The following C16orf54 variants were observed in gnomAD, a reference collection of about 807,000 sequenced individuals.
The protein encoded by C16orf54 is chromosome 16 open reading frame 54, also known as transmembrane protein C16orf54.
C16orf54 carries 2 observed loss-of-function variants against 3.9 expected under a neutral mutation model. The observed-to-expected ratio is 0.52, with a 90% CI of 0.21 to 1.63. The LOEUF (loss-of-function observed/expected upper bound fraction) is 1.63. Among genes scored for constraint, C16orf54 ranks in the 40% most tolerant of loss-of-function variants. C16orf54 has a pLI of 0.21. For synonymous variants in C16orf54, 128 were observed against 135.1 expected (o/e 0.95, Z 0.37); for missense variants, 272 against 326.3 (o/e 0.83, Z 1.28).
Position 29,744,204 on chromosome 16 carries a change from A to C in C16orf54, c.*73T>G, listed in dbSNP as rs1968104404. The C allele has an allele frequency of 1.5e-6, 2 of 1,341,426 alleles. No homozygotes were observed. Among genetic ancestry groups the C allele is most frequent in the Admixed American group, 4.1e-5 (2 of 49,102 alleles). 83.1% of individuals were successfully genotyped at this position (1,341,426 alleles called of 1,614,324 possible). On this transcript the variant is annotated 3_prime_UTR_variant, in exon 2 of 2. Transcript: ENST00000329410. This position sits in a 1 kb window ranked among gnomAD's most constrained non-coding sequence, Gnocchi z 7.1. ...CTTCGCTGGGGCAGTCTCAATCCTA[A>C]TGCTGGATCCTGGGGTCCCCGGTCC...
chr16:29,742,508 G>A lies in C16orf54; in HGVS notation c.*1769C>T, dbSNP rs1968075316. On this transcript the variant is annotated 3_prime_UTR_variant, in exon 2 of 2. Transcript: ENST00000329410. ...TTTTCATGTTTTACCTTCTATTGAT[G>A]GCAAATGAGACTGGTTTTCCATTTA... 1 of 152,108 alleles carries A rather than the reference G, an allele frequency of 6.6e-6. No individual in the cohort carries two copies. Among genetic ancestry groups the A allele is most frequent in the Non-Finnish European group, 1.5e-5 (1 of 68,018 alleles). The allele number at this position is 152,108 out of a possible 1,614,324, so 9.4% of individuals were successfully genotyped here. A position where few individuals can be genotyped will look rare whatever the true frequency, so the allele number is the denominator to read the frequency against.
Position 29,744,115 on chromosome 16 carries a change from T to C in C16orf54, c.*162A>G, listed in dbSNP as rs1968103208. 1 of 699,510 alleles carries C rather than the reference T, an allele frequency of 1.4e-6. No individual in the cohort carries two copies. Among genetic ancestry groups the C allele is most frequent in the Non-Finnish European group, 2.5e-6 (1 of 405,622 alleles). The allele number at this position is 699,510 out of a possible 1,614,324, so 43.3% of individuals were successfully genotyped here. A position where few individuals can be genotyped will look rare whatever the true frequency, so the allele number is the denominator to read the frequency against. On this transcript the variant is annotated 3_prime_UTR_variant, in exon 2 of 2. Transcript: ENST00000329410. The surrounding 1 kb of genome is among the most constrained non-coding windows in gnomAD (Gnocchi z 7.1). ...ACTGCTGGGCTTCCCCTAGTCCACA[T>C]AGCCTGGCCACCACCCAGACCCGGG...
At position 29,743,940 on chromosome 16, in the gene C16orf54, T is replaced by C. The variant is rs1968101394; in HGVS notation, c.*337A>G. 3 of 362,650 alleles carry C rather than the reference T, an allele frequency of 8.3e-6. No homozygotes were observed. The highest frequency in any genetic ancestry group is 6.5e-5 in the African/African-American group (3 of 46,016). 22.5% of individuals were successfully genotyped at this position (362,650 alleles called of 1,614,324 possible). ...TGGTATTGGTGGCTTCGGTAAACAC[T>C]GAAAGAAGGTGGAGGTGGCTGGTCG... On this transcript the variant is annotated 3_prime_UTR_variant, in exon 2 of 2. Coordinates refer to ENST00000329410, the MANE Select transcript of C16orf54 (RefSeq NM_175900.4).
chr16:29,743,095 A>T lies in C16orf54; in HGVS notation c.*1182T>A, dbSNP rs1050069804. ...GACCGTGTCTCTACAAAAAAAATAC[A>T]AAAATTAGCTGGGCGTGGTGGTATG... On this transcript the variant is annotated 3_prime_UTR_variant, in exon 2 of 2. Coordinates refer to ENST00000329410, the MANE Select transcript of C16orf54 (RefSeq NM_175900.4). The T allele has an allele frequency of 6.6e-6, 1 of 151,810 alleles. No individual in the cohort carries two copies. The highest frequency in any genetic ancestry group is 1.5e-5 in the Non-Finnish European group (1 of 67,994). 9.4% of individuals were successfully genotyped at this position (151,810 alleles called of 1,614,324 possible).
At position 29,744,919 on chromosome 16, in the gene C16orf54, G is replaced by A. The variant is rs766863718; in HGVS notation, c.33C>T (p.Arg11=). 1.3e-5 allele frequency: 19 copies of A among 1,466,728 alleles called. No individual in the cohort carries two copies. Among genetic ancestry groups the A allele is most frequent in the African/African-American group, 4.4e-5 (3 of 68,402 alleles). The allele number at this position is 1,466,728 out of a possible 1,614,324, so 90.9% of individuals were successfully genotyped here. A position where few individuals can be genotyped will look rare whatever the true frequency, so the allele number is the denominator to read the frequency against. ...CTTCCCATGCGGGGGGCCCCTCCAC[G>A]CGCCCAGAGGGCGGCTCTGGAGTCA... MPLTPEPPSG[R]VEGPPAWEAA... Residue 11 remains arginine (R), a synonymous_variant, in exon 2 of 2, where the codon CGC becomes CGT. Transcript: ENST00000329410. The surrounding 1 kb of genome is among the most constrained non-coding windows in gnomAD (Gnocchi z 7.1).
chr16:29,745,294 T>G, intron 1 of C16orf54: 1 of 272,470 alleles, frequency 3.7e-6, no homozygotes, highest in Non-Finnish European at 6.9e-6. Flanking sequence ...ATTGCACCAC[T>G]GTCCTCCAGC....
In C16orf54 at chr16:29,745,707, G is replaced by A. The variant is rs559210156; in HGVS notation, c.-1+204C>T. ...TCCTTCGCCCCTCACCATTCTCCTCGGACTTGATCTTGCTCTCATAGGCTC... is the reference window on the plus strand; with the variant it reads ...TCCTTCGCCCCTCACCATTCTCCTCAGACTTGATCTTGCTCTCATAGGCTC... On this transcript the variant is annotated intron_variant, in intron 1 of 1. Transcript: ENST00000329410. Among the ~76,000 whole-genome samples, 157 of 152,196 alleles carry A rather than the reference G, an allele frequency of 1.0e-3. 1 individual carries two copies. The highest frequency in any genetic ancestry group is 3.4e-3 in the Middle Eastern group (1 of 294).
chr16:29,744,508 C>G lies in C16orf54; in HGVS notation c.444G>C (p.Arg148=). The G allele has an allele frequency of 6.5e-7, 1 of 1,537,378 alleles. No individual in the cohort carries two copies. Among genetic ancestry groups the G allele is most frequent in the Non-Finnish European group, 8.8e-7 (1 of 1,142,166 alleles). Residue 148 remains arginine (R), a synonymous_variant, in exon 2 of 2, where the codon CGG becomes CGC. Coordinates refer to ENST00000329410, the MANE Select transcript of C16orf54 (RefSeq NM_175900.4). This position sits in a 1 kb window ranked among gnomAD's most constrained non-coding sequence, Gnocchi z 7.1. The stretch of plus-strand genomic sequence containing the variant: ...AGGGCTGGGGCCCCCAGAAGGTGCT[C>G]CGGGCTGGGACCTCCAGTACGGTCT... ...GPQTVLEVPA[R]STFWGPQPWE... is the part of the protein sequence containing the mutation.
Position 29,744,654 on chromosome 16 carries a change from C to T in C16orf54, c.298G>A (p.Val100Ile), listed in dbSNP as rs773226713. Residue 100 changes from valine (V) to isoleucine (I), a missense_variant, in exon 2 of 2, where the codon GTC (valine) becomes ATC (isoleucine). Physicochemically the swap from Val to Ile is conservative, Grantham distance 29. Transcript: ENST00000329410. This position sits in a 1 kb window ranked among gnomAD's most constrained non-coding sequence, Gnocchi z 7.1. Reference sequence around the variant, plus strand: ...GGGGCCCGATCTGTCAGCAGGGGGACCGCAGAGCCATACCAGTCCTCAGAG... The same window carrying T: ...GGGGCCCGATCTGTCAGCAGGGGGATCGCAGAGCCATACCAGTCCTCAGAG... ...ERSEDWYGSA[V>I]PLLTDRAPEP... 31 of 1,473,098 alleles carry T rather than the reference C, an allele frequency of 2.1e-5. No homozygotes were observed. The South Asian group carries it at 4.5e-4, about 21-fold the overall frequency. The allele number at this position is 1,473,098 out of a possible 1,614,324, so 91.3% of individuals were successfully genotyped here. A position where few individuals can be genotyped will look rare whatever the true frequency, so the allele number is the denominator to read the frequency against.
rs145619320 is a variant in C16orf54, at chr16:29,744,862, G to C, written c.90C>G (p.Pro30=). Residue 30 remains proline, a synonymous_variant, in exon 2 of 2, where the codon CCC becomes CCG. Coordinates refer to ENST00000329410, the MANE Select transcript of C16orf54 (RefSeq NM_175900.4). The surrounding 1 kb of genome is among the most constrained non-coding windows in gnomAD (Gnocchi z 7.1). The part of the protein sequence containing the change: ...AAPWPSLPCG[P]CIPIMLVLAT... Reference sequence around the variant, plus strand: ...CCAGGACCAGCATGATGGGGATGCAGGGCCCACAGGGCAGTGAGGGCCATG... The same window carrying C: ...CCAGGACCAGCATGATGGGGATGCACGGCCCACAGGGCAGTGAGGGCCATG... 6.8e-7 allele frequency: 1 copy of C among 1,476,488 alleles called. No individual in the cohort carries two copies. The highest frequency in any genetic ancestry group is 1.4e-5 in the African/African-American group (1 of 69,410). 91.5% of individuals were successfully genotyped at this position (1,476,488 alleles called of 1,614,324 possible). A position where few individuals can be genotyped will look rare whatever the true frequency, so the allele number is the denominator to read the frequency against.
rs749333124 is a variant in C16orf54 at position 29,744,288 on chromosome 16, C to A, written c.664G>T (p.Val222Leu). 5 of 1,612,718 alleles carry A rather than the reference C, an allele frequency of 3.1e-6. No individual in the cohort carries two copies. The African/African-American group carries it at 4.0e-5, about 13-fold the overall frequency. Residue 222 changes from valine (V) to leucine (L), a missense_variant, in exon 2 of 2, where the codon GTG (valine) becomes TTG (leucine). By Grantham distance (32) the Val-to-Leu change is conservative. Transcript: ENST00000329410. This position sits in a 1 kb window ranked among gnomAD's most constrained non-coding sequence, Gnocchi z 7.1. ...GGAACCCTGGGGATTCAGAACCCCACACTGGTCCGGCCTTCACGCTTCCAG... is the reference window on the plus strand; with the variant it reads ...GGAACCCTGGGGATTCAGAACCCCAAACTGGTCCGGCCTTCACGCTTCCAG... Reference protein sequence around the residue: ...AFWKREGRTSVGF With the variant: ...AFWKREGRTSLGF
rs1209657803 is a variant in C16orf54 at position 29,744,619 on chromosome 16, G to C, written c.333C>G (p.Pro111=). 6.8e-7 allele frequency: 1 copy of C among 1,465,366 alleles called. No homozygotes were observed. The highest frequency in any genetic ancestry group is 1.5e-5 in the South Asian group (1 of 68,936). The allele number at this position is 1,465,366 out of a possible 1,614,324, so 90.8% of individuals were successfully genotyped here. A position where few individuals can be genotyped will look rare whatever the true frequency, so the allele number is the denominator to read the frequency against. The stretch of plus-strand genomic sequence containing the variant: ...GGGCCTCCAAAGTGCCCACCTGGGT[G>C]GGAGGCTCAGGGGCCCGATCTGTCA... The part of the protein sequence containing the change: ...PLLTDRAPEP[P]TQVGTLEARA... The change falls in exon 2 of 2, where the codon CCC becomes CCG. Residue 111 remains proline, a synonymous_variant. Coordinates refer to ENST00000329410, the MANE Select transcript of C16orf54 (RefSeq NM_175900.4). The surrounding 1 kb of genome is among the most constrained non-coding windows in gnomAD (Gnocchi z 7.1).
chr16:29,745,689 C>A (rs1365176905), intron 1 of C16orf54, among the ~76,000 whole-genome samples: 1 of 152,174 alleles, frequency 6.6e-6, no homozygotes, highest in African/African-American at 2.4e-5. Flanking sequence ...GGCTCCTTCG[C>A]CCCTCACCAT....
In C16orf54 at chr16:29,744,284, C is replaced by T; in HGVS notation, c.668G>A (p.Gly223Glu). The T allele has an allele frequency of 6.2e-7, 1 of 1,612,740 alleles. No individual in the cohort carries two copies. The highest frequency in any genetic ancestry group is 8.5e-7 in the Non-Finnish European group (1 of 1,179,890). ...CTGGGGAACCCTGGGGATTCAGAAC[C>T]CCACACTGGTCCGGCCTTCACGCTT... ...FWKREGRTSV[G>E]F The change falls in exon 2 of 2, where the codon GGG becomes GAG. Residue 223 changes from glycine (G) to glutamate (E), a missense_variant. Coordinates refer to ENST00000329410, the MANE Select transcript of C16orf54 (RefSeq NM_175900.4). The surrounding 1 kb of genome is among the most constrained non-coding windows in gnomAD (Gnocchi z 7.1).
At chr16:29,745,189 G>A in intron 1 of C16orf54, 1 of 408,654 alleles carries the variant, frequency 2.4e-6, no homozygotes, top group Non-Finnish European at 4.3e-6. Flanking sequence ...AAAACTAGCT[G>A]GGTGTGGTGG....
Position 29,744,093 on chromosome 16 carries a change from G to A in C16orf54, c.*184C>T. On this transcript the variant is annotated 3_prime_UTR_variant, in exon 2 of 2. Coordinates refer to ENST00000329410, the MANE Select transcript of C16orf54 (RefSeq NM_175900.4). This position sits in a 1 kb window ranked among gnomAD's most constrained non-coding sequence, Gnocchi z 7.1. ...GCCCAGGTAGCTGAGCAGAGGCACT[G>A]CTGGGCTTCCCCTAGTCCACATAGC... 1 of 639,424 alleles carries A rather than the reference G, an allele frequency of 1.6e-6. No homozygotes were observed. Among genetic ancestry groups the A allele is most frequent in the Non-Finnish European group, 2.8e-6 (1 of 362,958 alleles). 39.6% of individuals were successfully genotyped at this position (639,424 alleles called of 1,614,324 possible).
rs931494384 is a variant in C16orf54, at chr16:29,744,424, T to C, written c.528A>G (p.Pro176=). The change falls in exon 2 of 2, where the codon CCA becomes CCG. Residue 176 remains proline (P), a synonymous_variant. Coordinates refer to ENST00000329410, the MANE Select transcript of C16orf54 (RefSeq NM_175900.4). The surrounding 1 kb of genome is among the most constrained non-coding windows in gnomAD (Gnocchi z 7.1). ...LVSWAEPEQR[P]EASVQFGSPQ... ...GGCTCCCAAACTGGACGCTGGCCTC[T>C]GGCCTCTGCTCGGGTTCAGCCCAGC... 4.4e-6 allele frequency: 7 copies of C among 1,580,022 alleles called. No individual in the cohort carries two copies. Among genetic ancestry groups the C allele is most frequent in the Admixed American group, 1.9e-5 (1 of 53,704 alleles).
chr16:29,744,470 G>T lies in C16orf54; in HGVS notation c.482C>A (p.Pro161His), dbSNP rs1047192975. 2 of 1,551,104 alleles carry T rather than the reference G, an allele frequency of 1.3e-6. No homozygotes were observed. The highest frequency in any genetic ancestry group is 1.7e-6 in the Non-Finnish European group (2 of 1,147,620). ...FWGPQPWEGR[P>H]PATGLVSWAE... is the part of the protein sequence containing the mutation. ...CCAGCTCACCAGGCCTGTGGCGGGG[G>T]GCCTCCCCTCCCAGGGCTGGGGCCC... Residue 161 changes from proline to histidine, a missense_variant, in exon 2 of 2, where the codon CCC becomes CAC. Transcript: ENST00000329410. This position sits in a 1 kb window ranked among gnomAD's most constrained non-coding sequence, Gnocchi z 7.1.
rs145043959 is a variant in C16orf54 at position 29,742,789 on chromosome 16, T to TA, written c.*1487dup. On this transcript the variant is annotated 3_prime_UTR_variant, in exon 2 of 2. Coordinates refer to ENST00000329410, the MANE Select transcript of C16orf54 (RefSeq NM_175900.4). Reference sequence around the variant, plus strand: ...GGGCAACATAGCAAGACCCTGTCTCTAAAAAAAAAAAATAGCCAGGTGTGG... The same window carrying TA: ...GGGCAACATAGCAAGACCCTGTCTCTAAAAAAAAAAAAATAGCCAGGTGTGG... 0.042 allele frequency: 6,051 copies of TA among 144,130 alleles called. 189 individuals are homozygous for TA. The highest frequency in any genetic ancestry group is 0.094 in the African/African-American group (3,708 of 39,536). 8.9% of individuals were successfully genotyped at this position (144,130 alleles called of 1,614,324 possible).
Sources: allele counts gnomAD v4.1 joint callset (sites outside exome capture counted in the v4.1 genomes callset), GRCh38; gene constraint gnomAD v4.1.1; non-coding constraint Gnocchi (gnomAD v3.1); transcripts MANE v1.5; gene names NCBI Gene and HGNC (gene_info 2026-07-23, HGNC 2026-07-21).